The following TRIM3 variants were observed in gnomAD, a reference collection of about 807,000 sequenced individuals.
The protein encoded by TRIM3 is tripartite motif containing 3.
In TRIM3, 13 loss-of-function variants were observed where a neutral mutation model predicts 66.6. The ratio of observed to expected loss-of-function variants is 0.20; its 90% CI spans 0.13 to 0.31. The LOEUF is 0.31. Ranked by LOEUF, TRIM3 falls within the 10% of genes least tolerant of loss-of-function variation. The pLI, the probability that TRIM3 is intolerant of heterozygous loss-of-function variation, is 1.00. For synonymous variants in TRIM3, 406 were observed against 411.7 expected (o/e 0.99, Z 0.17); for missense variants, 711 against 1,020.4 (o/e 0.70, Z 4.13).
Position 6,456,947 on chromosome 11 carries a change from C to T in TRIM3, c.779G>A (p.Arg260His), listed in dbSNP as rs770574279. 6 of 1,610,026 alleles carry T rather than the reference C, an allele frequency of 3.7e-6. No individual in the cohort carries two copies. The highest frequency in any genetic ancestry group is 3.3e-5 in the Admixed American group (2 of 60,024). The part of the protein sequence containing the change: ...SSCSFAEQAL[R>H]LGSAPEVLLV... Reference sequence around the variant, plus strand: ...CAACACCTCCGGGGCCGAGCCCAGGCGCAGTGCCTGCTCTGCAAAGCTGCA... The same window carrying T: ...CAACACCTCCGGGGCCGAGCCCAGGTGCAGTGCCTGCTCTGCAAAGCTGCA... The change falls in exon 6 of 12, where the codon CGC becomes CAC. Residue 260 changes from arginine (R) to histidine (H), a missense_variant. By Grantham distance (29) the Arg-to-His change is conservative. This residue lies in a region of TRIM3 where 399 missense variants were observed against 458.1 expected (regional missense o/e 0.87). Coordinates refer to ENST00000345851, the MANE Select transcript of TRIM3 (RefSeq NM_033278.4). This position sits in a 1 kb window ranked among gnomAD's most constrained non-coding sequence, Gnocchi z 6.4.
Position 6,457,845 on chromosome 11 carries a change from C to T in TRIM3, c.366G>A (p.Thr122=), listed in dbSNP as rs776299859. The change falls in exon 4 of 12, where the codon ACG becomes ACA. Residue 122 remains threonine (T), a splice_region_variant and synonymous_variant. Coordinates refer to ENST00000345851, the MANE Select transcript of TRIM3 (RefSeq NM_033278.4). This position sits in a 1 kb window ranked among gnomAD's most constrained non-coding sequence, Gnocchi z 4.5. Reference sequence around the variant, plus strand: ...CACAGGCCTCACAGTAAAACTCCATCGTCTGCGGTACAAGGACTCCAGTCG... The same window carrying T: ...CACAGGCCTCACAGTAAAACTCCATTGTCTGCGGTACAAGGACTCCAGTCG... The part of the protein sequence containing the change: ...PLSCPNHEGK[T]MEFYCEACET... 8.7e-6 allele frequency: 14 copies of T among 1,614,088 alleles called. No individual in the cohort carries two copies. In the Admixed American group the frequency reaches 1.3e-4, roughly 15 times the overall value.
chr11:6,466,821 C>T (rs1305891837), intron 1 of TRIM3, among the ~76,000 whole-genome samples: 1 of 152,170 alleles, frequency 6.6e-6, no homozygotes, highest in Non-Finnish European at 1.5e-5. Context: ...TCCCTCAGCA[C>T]CCTGTATTTA....
Position 6,458,044 on chromosome 11 carries a change from C to T in TRIM3, c.363+21G>A. 1 of 1,584,606 alleles carries T rather than the reference C, an allele frequency of 6.3e-7. No individual in the cohort carries two copies. The highest frequency in any genetic ancestry group is 8.6e-7 in the Non-Finnish European group (1 of 1,164,908). On this transcript the variant is annotated intron_variant, in intron 3 of 11. Transcript: ENST00000345851. This position sits in a 1 kb window ranked among gnomAD's most constrained non-coding sequence, Gnocchi z 6.2. ...CCTCCCACCCCAAGTCCCGGCCTCACTGGGCCTCGCTTGGGCCCACCTTGC... is the reference window on the plus strand; with the variant it reads ...CCTCCCACCCCAAGTCCCGGCCTCATTGGGCCTCGCTTGGGCCCACCTTGC...
rs775321090 is a variant in TRIM3, at chr11:6,450,917, A to G, written c.1845T>C (p.Arg615=). The G allele has an allele frequency of 6.8e-5, 110 of 1,613,338 alleles. No individual in the cohort carries two copies. Among genetic ancestry groups the G allele is most frequent in the Non-Finnish European group, 8.9e-5 (105 of 1,179,464 alleles). The part of the protein sequence containing the change: ...NGKLVGRFGG[R]GATDRHFAGP... ...CTGCAAAGTGGCGGTCAGTGGCCCC[A>G]CGGCCCCCAAAACGGCCAACCAGTT... Residue 615 remains arginine, a synonymous_variant, in exon 9 of 12, where the codon CGT becomes CGC. Transcript: ENST00000345851. The surrounding 1 kb of genome is among the most constrained non-coding windows in gnomAD (Gnocchi z 4.8).
intron 1 of TRIM3, among the ~76,000 whole-genome samples, chr11:6,468,184 G>C (rs924814820): frequency 1.3e-5 from 2 of 152,188 alleles, no homozygotes; most frequent in Admixed American, 1.3e-4. Context: ...GTGTGAGAGG[G>C]ATGTCAATTA....
At chr11:6,473,738 C>G (rs937250999) in intron 1 of TRIM3, 53 bp downstream of exon 1, 2 of 152,430 alleles carry the variant, frequency 1.3e-5, no homozygotes, top group African/African-American at 4.8e-5. Context: ...CCGACCCAGA[C>G]CCGGGCTGAC....
intron 1 of TRIM3, among the ~76,000 whole-genome samples, chr11:6,472,245 A>T (rs1850711863): frequency 6.6e-6 from 1 of 152,178 alleles, no homozygotes; most frequent in South Asian, 2.1e-4. Flanking sequence ...TTGGGAGAAG[A>T]GGGATGTTTT....
Position 6,456,412 on chromosome 11 carries a change from AG to A in TRIM3, c.1313del (p.Pro438LeufsTer65). 6.5e-7 allele frequency: 1 copy of A among 1,530,558 alleles called. No homozygotes were observed. Among genetic ancestry groups the A allele is most frequent in the Non-Finnish European group, 8.8e-7 (1 of 1,136,464 alleles). 94.8% of individuals were successfully genotyped at this position (1,530,558 alleles called of 1,614,324 possible). A position where few individuals can be genotyped will look rare whatever the true frequency, so the allele number is the denominator to read the frequency against. On this transcript the variant is annotated frameshift_variant, in exon 6 of 12. Coordinates refer to ENST00000345851, the MANE Select transcript of TRIM3 (RefSeq NM_033278.4). LOFTEE classifies it high-confidence loss of function. The surrounding 1 kb of genome is among the most constrained non-coding windows in gnomAD (Gnocchi z 6.4). ...PDDVKRRVKS[P>X]GGPGSHVRQK... ...GGCGCACATGGCTGCCGGGGCCGCC[AG>A]GGGACTTGACACGGCGCTTCACATC...
chr11:6,456,535 C>T lies in TRIM3; in HGVS notation c.1191G>A (p.Glu397=), dbSNP rs756351130. The T allele has an allele frequency of 1.3e-6, 2 of 1,595,312 alleles. No homozygotes were observed. The highest frequency in any genetic ancestry group is 2.2e-5 in the South Asian group (2 of 90,318). ...CGTAGAGCAGCACCGAGAGGAGCAG[C>T]TCGCCTTCCGTGCGCGCTGTGTACA... ...ELVYTARTEG[E]LLLSVLLYGQ... The change falls in exon 6 of 12, where the codon GAG becomes GAA. Residue 397 remains glutamate, a synonymous_variant. Transcript: ENST00000345851. The surrounding 1 kb of genome is among the most constrained non-coding windows in gnomAD (Gnocchi z 6.4).
chr11:6,457,049 G>T lies in TRIM3; in HGVS notation c.697-20C>A. On this transcript the variant is annotated intron_variant, in intron 5 of 11. Coordinates refer to ENST00000345851, the MANE Select transcript of TRIM3 (RefSeq NM_033278.4). The surrounding 1 kb of genome is among the most constrained non-coding windows in gnomAD (Gnocchi z 4.5). Reference sequence around the variant, plus strand: ...CAACACCTGATGAGGGGTAGGGGAGGAGTGGGTGAGCAGACTGGCACAGGG... The same window carrying T: ...CAACACCTGATGAGGGGTAGGGGAGTAGTGGGTGAGCAGACTGGCACAGGG... 1 of 1,574,008 alleles carries T rather than the reference G, an allele frequency of 6.4e-7. No individual in the cohort carries two copies. The highest frequency in any genetic ancestry group is 1.1e-5 in the South Asian group (1 of 88,202).
chr11:6,461,936 T>A (rs982625715), intron 2 of TRIM3, among the ~76,000 whole-genome samples: 1 of 152,046 alleles, frequency 6.6e-6, no homozygotes, highest in East Asian at 1.9e-4. Context: ...ACCTACAAGC[T>A]CCCCCTTAAA....
chr11:6,471,248 T>A lies in TRIM3; in HGVS notation c.-38+2543A>T, dbSNP rs776442475. ...GTGAATGGAGGTAACCAAGGCATTG[T>A]TGAAAATGGATGCGAGAGGTCAGCT... On this transcript the variant is annotated intron_variant, in intron 1 of 11. Coordinates refer to ENST00000345851, the MANE Select transcript of TRIM3 (RefSeq NM_033278.4). Among the ~76,000 whole-genome samples, 8 of 152,372 alleles carry A rather than the reference T, an allele frequency of 5.3e-5. No homozygotes were observed. The South Asian group carries it at 1.7e-3, about 32-fold the overall frequency.
chr11:6,457,356 C>T lies in TRIM3; in HGVS notation c.636G>A (p.Leu212=), dbSNP rs764453292. ...TGACCAGAGCCTGCTTGCGCTGCTGCAGTGCTTGCTCCAGGTCCTCGAACG... is the reference window on the plus strand; with the variant it reads ...TGACCAGAGCCTGCTTGCGCTGCTGTAGTGCTTGCTCCAGGTCCTCGAACG... ...SAAFEDLEQA[L]QQRKQALVSD... The change falls in exon 5 of 12, where the codon CTG becomes CTA. Residue 212 remains leucine, a synonymous_variant. Coordinates refer to ENST00000345851, the MANE Select transcript of TRIM3 (RefSeq NM_033278.4). This position sits in a 1 kb window ranked among gnomAD's most constrained non-coding sequence, Gnocchi z 4.5. 30 of 1,613,926 alleles carry T rather than the reference C, an allele frequency of 1.9e-5. 1 individual carries two copies. The South Asian group carries it at 2.2e-4, about 12-fold the overall frequency.
rs773350227 is a variant in TRIM3 at position 6,457,339 on chromosome 11, G to T, written c.653C>A (p.Ala218Asp). The T allele has an allele frequency of 6.2e-7, 1 of 1,614,164 alleles. No individual in the cohort carries two copies. The highest frequency in any genetic ancestry group is 1.7e-5 in the Admixed American group (1 of 60,026). The stretch of plus-strand genomic sequence containing the variant: ...AATGGTCTCCAGGTCGCTGACCAGA[G>T]CCTGCTTGCGCTGCTGCAGTGCTTG... ...LEQALQQRKQ[A>D]LVSDLETICG... Residue 218 changes from alanine (A) to aspartate (D), a missense_variant, in exon 5 of 12, where the codon GCT (alanine) becomes GAT (aspartate). Transcript: ENST00000345851. This position sits in a 1 kb window ranked among gnomAD's most constrained non-coding sequence, Gnocchi z 4.5.
chr11:6,471,927 T>C (rs928155850), intron 1 of TRIM3, among the ~76,000 whole-genome samples: 1 of 152,136 alleles, frequency 6.6e-6, no homozygotes, highest in African/African-American at 2.4e-5. Flanking sequence ...AGGTTATACA[T>C]GATGCTTTTA....
rs893548951 is a variant in TRIM3, at chr11:6,458,347, C to T, written c.132-51G>A. 6.7e-7 allele frequency: 1 copy of T among 1,500,732 alleles called. No individual in the cohort carries two copies. Among genetic ancestry groups the T allele is most frequent in the South Asian group, 1.2e-5 (1 of 84,318 alleles). 93.0% of individuals were successfully genotyped at this position (1,500,732 alleles called of 1,614,324 possible). A position where few individuals can be genotyped will look rare whatever the true frequency, so the allele number is the denominator to read the frequency against. On this transcript the variant is annotated intron_variant, in intron 2 of 11. Coordinates refer to ENST00000345851, the MANE Select transcript of TRIM3 (RefSeq NM_033278.4). This position sits in a 1 kb window ranked among gnomAD's most constrained non-coding sequence, Gnocchi z 6.2. ...CAGAGTGGGTGGGGTGGCATAAGTG[C>T]ACCCTTCCTTATACTTCCCATGGGT...
chr11:6,469,131 G>A lies in TRIM3; in HGVS notation c.-37-3399C>T, dbSNP rs115111926. 3.3e-3 allele frequency among the ~76,000 whole-genome samples: 506 copies of A among 152,294 alleles called. 3 individuals are homozygous for A. The highest frequency in any genetic ancestry group is 0.01 in the African/African-American group (423 of 41,548). On this transcript the variant is annotated intron_variant, in intron 1 of 11. Coordinates refer to ENST00000345851, the MANE Select transcript of TRIM3 (RefSeq NM_033278.4). ...AAGGTTGGCGGAAGGACCAGGAGGCGGGAGGCAAGCTGAAGCCTCTGTCTG... is the reference window on the plus strand; with the variant it reads ...AAGGTTGGCGGAAGGACCAGGAGGCAGGAGGCAAGCTGAAGCCTCTGTCTG...
At position 6,448,890 on chromosome 11, in the gene TRIM3, A is replaced by C. The variant is rs754443142; in HGVS notation, c.*138T>G. 4 of 1,046,520 alleles carry C rather than the reference A, an allele frequency of 3.8e-6. No homozygotes were observed. Among genetic ancestry groups the C allele is most frequent in the Non-Finnish European group, 4.3e-6 (3 of 693,938 alleles). 64.8% of individuals were successfully genotyped at this position (1,046,520 alleles called of 1,614,324 possible). On this transcript the variant is annotated 3_prime_UTR_variant, in exon 12 of 12. Coordinates refer to ENST00000345851, the MANE Select transcript of TRIM3 (RefSeq NM_033278.4). ...GTGCAACCGTGGGGGTGGGGGTAGG[A>C]GAGGGAGGGCACCGGGTGCACCCAT... is the stretch of plus-strand genomic sequence containing the variant.
intron 1 of TRIM3, among the ~76,000 whole-genome samples, chr11:6,466,036 T>C (rs1422750866): frequency 6.6e-6 from 1 of 152,204 alleles, no homozygotes; most frequent in African/African-American, 2.4e-5. Context: ...GGAATAATAA[T>C]TTGAGAGTGT....
Sources: gnomAD v4.1 joint callset for allele counts (sites outside exome capture counted in the v4.1 genomes callset) on GRCh38, gnomAD v4.1.1 for gene constraint, gnomAD v4.1.1 regional missense constraint, Gnocchi (gnomAD v3.1) non-coding constraint, MANE v1.5 for transcripts, NCBI Gene and HGNC (gene_info 2026-07-23, HGNC 2026-07-21) for gene names.